Variants in DDB2 observed in about 807,000 individuals in gnomAD.
DDB2 encodes damage specific DNA binding protein 2.
A neutral mutation model predicts 50.5 loss-of-function variants in DDB2; 27 were observed. That is an observed-to-expected ratio of 0.53 (90% CI 0.39 to 0.74). The LOEUF (loss-of-function observed/expected upper bound fraction) is 0.74, where lower values mean the gene tolerates loss of function less well. Among genes scored for constraint, DDB2 ranks in the 30% least tolerant of loss-of-function variants. The probability of loss-of-function intolerance (pLI) is 0.00; values close to 1 mark genes in which losing one functional copy is unlikely to be tolerated. For missense variants in DDB2, 424 were observed against 545.6 expected (o/e 0.78, Z 2.22); for synonymous variants, 176 against 205.5 (o/e 0.86, Z 1.23).
chr11:47,233,046 A>G (rs897596951), intron 4 of DDB2, 87 bp downstream of exon 4: 2 of 1,446,318 alleles, frequency 1.4e-6, no homozygotes, highest in Non-Finnish European at 1.9e-6. Context: ...CCTTAACCCA[A>G]CCTGGCCCAG....
intron 3 of DDB2, among the ~76,000 whole-genome samples, chr11:47,225,610 CAAAA>C: frequency 6.6e-6 from 1 of 150,582 alleles, no homozygotes; most frequent in East Asian, 1.9e-4. Context: ...AAAAAAAAAA[CAAAA>C]AACTGGTAGA....
intron 7 of DDB2, 90 bp from the exon 8 acceptor site, chr11:47,237,747 T>C (rs1042729488): frequency 1.4e-6 from 2 of 1,380,322 alleles, no homozygotes; most frequent in Admixed American, 1.7e-5. Flanking sequence ...AAGAATACTT[T>C]TGATGTTCCT....
chr11:47,230,850 G>T (rs911557575), intron 3 of DDB2, among the ~76,000 whole-genome samples: 1 of 152,184 alleles, frequency 6.6e-6, no homozygotes, highest in African/African-American at 2.4e-5. Flanking sequence ...ACTGGGCGCA[G>T]TGGCTCACGC....
At chr11:47,235,501 G>A (rs1050568087) in intron 7 of DDB2, 89 bp downstream of exon 7, 3 of 1,421,626 alleles carry the variant, frequency 2.1e-6, no homozygotes, top group South Asian at 1.2e-5. Flanking sequence ...GGCTGATGTG[G>A]TAAGCCTGCC....
At chr11:47,229,555 G>A (rs1426672953) in intron 3 of DDB2, among the ~76,000 whole-genome samples, 1 of 152,096 alleles carries the variant, frequency 6.6e-6, no homozygotes, top group Non-Finnish European at 1.5e-5. Context: ...CATACAAGGA[G>A]ATTAATCAAA....
At chr11:47,217,883 T>C (rs1431033013) in intron 3 of DDB2, among the ~76,000 whole-genome samples, 1 of 151,554 alleles carries the variant, frequency 6.6e-6, no homozygotes, top group Non-Finnish European at 1.5e-5. Context: ...AGAGCGAGAC[T>C]CCATCTCAAA....
In DDB2 at chr11:47,217,066, G is replaced by A. The variant is rs747546269; in HGVS notation, c.456+17G>A. 3 of 1,609,282 alleles carry A rather than the reference G, an allele frequency of 1.9e-6. No individual in the cohort carries two copies. The highest frequency in any genetic ancestry group is 4.5e-5 in the East Asian group (2 of 44,858). On this transcript the variant is annotated intron_variant, in intron 3 of 9. Coordinates refer to ENST00000256996, the MANE Select transcript of DDB2 (RefSeq NM_000107.3). ...ATCAAAGGGGTGAGCAGTTCCCCAT[G>A]CCAGGTCGTGCTAAAGAAGTGTTTG...
chr11:47,236,120 A>T (rs1397847829), intron 7 of DDB2: 1 of 151,372 alleles, frequency 6.6e-6, no homozygotes, highest in African/African-American at 2.4e-5. Context: ...TTTTATAGAG[A>T]TGGGGTTTTG....
chr11:47,223,262 A>G (rs1953511547), intron 3 of DDB2, among the ~76,000 whole-genome samples: 1 of 152,144 alleles, frequency 6.6e-6, no homozygotes, highest in Non-Finnish European at 1.5e-5. Flanking sequence ...AGGCAAGTGG[A>G]TCATTTGCGA....
intron 3 of DDB2, chr11:47,221,873 A>G (rs2922976): frequency 0.99 from 151,243 of 152,338 alleles, 75,081 homozygotes; most frequent in East Asian, 1. Flanking sequence ...GAGCCACTGC[A>G]CCCGGCCTGG....
In DDB2 at chr11:47,238,822, C is replaced by G; in HGVS notation, c.1257C>G (p.Ser419Arg). ...SAMGYHILIW[S>R]QEEARTRK ...TAGGTTACCACATTCTCATCTGGAG[C>G]CAGGAGGAAGCCAGGACACGGAAGT... Residue 419 changes from serine (S) to arginine (R), a missense_variant, in exon 10 of 10, where the codon AGC becomes AGG. Physicochemically the swap from Ser to Arg is moderately radical, Grantham distance 110. Coordinates refer to ENST00000256996, the MANE Select transcript of DDB2 (RefSeq NM_000107.3). 2 of 1,613,572 alleles carry G rather than the reference C, an allele frequency of 1.2e-6. No homozygotes were observed. Among genetic ancestry groups the G allele is most frequent in the South Asian group, 2.2e-5 (2 of 91,076 alleles).
rs376083611 is a variant in DDB2, at chr11:47,237,852, C to T, written c.1039C>T (p.Arg347Cys). The T allele has an allele frequency of 1.5e-5, 25 of 1,614,042 alleles. No individual in the cohort carries two copies. Among genetic ancestry groups the T allele is most frequent in the Middle Eastern group, 1.6e-4 (1 of 6,084 alleles). The change falls in exon 8 of 10, where the codon CGC becomes TGC. Residue 347 changes from arginine to cysteine, a missense_variant. Coordinates refer to ENST00000256996, the MANE Select transcript of DDB2 (RefSeq NM_000107.3). ...CATCTCCTAGGCAGCCTGGCATCCT[C>T]GCTACAACCTCATTGTTGTGGGCCG... ...LTPIKAAWHPRYNLIVVGRYP... is the reference protein window; with the variant it reads ...LTPIKAAWHPCYNLIVVGRYP...
intron 3 of DDB2, 164 bp downstream of exon 3, chr11:47,217,213 T>TA (rs1235640031): frequency 1.7e-6 from 1 of 586,486 alleles, no homozygotes; most frequent in African/African-American, 1.9e-5. Flanking sequence ...CCGTCTCTAC[T>TA]AAAAATACAA....
Position 47,234,633 on chromosome 11 carries a change from C to G in DDB2, c.663C>G (p.Asn221Lys). ...ASSRMVVTGD[N>K]VGNVILLNMD... ...GCCGAATGGTGGTCACAGGAGACAA[C>G]GTGGGGAACGTGATCCTGCTGAACA... The change falls in exon 5 of 10, where the codon AAC becomes AAG. Residue 221 changes from asparagine (N) to lysine (K), a missense_variant. Coordinates refer to ENST00000256996, the MANE Select transcript of DDB2 (RefSeq NM_000107.3). 1 of 1,614,104 alleles carries G rather than the reference C, an allele frequency of 6.2e-7. No individual in the cohort carries two copies. Among genetic ancestry groups the G allele is most frequent in the Non-Finnish European group, 8.5e-7 (1 of 1,180,006 alleles).
chr11:47,235,639 G>GT (rs1313689676), intron 7 of DDB2: 2 of 590,604 alleles, frequency 3.4e-6, no homozygotes, highest in Admixed American at 2.9e-5. Flanking sequence ...ATTTTTCTGA[G>GT]TTTTTTCAGC....
intron 3 of DDB2, among the ~76,000 whole-genome samples, chr11:47,221,217 ATAAAT>A (rs1159625398): frequency 6.6e-6 from 1 of 152,120 alleles, no homozygotes; most frequent in Non-Finnish European, 1.5e-5. Flanking sequence ...AGTGTAAAAA[ATAAAT>A]TAAATATGAT....
intron 3 of DDB2, among the ~76,000 whole-genome samples, chr11:47,217,685 A>C (rs1163010474): frequency 6.6e-6 from 1 of 151,576 alleles, no homozygotes; most frequent in Non-Finnish European, 1.5e-5. Context: ...AGGTCAAGAG[A>C]TGGAGACCAT....
chr11:47,238,736 C>T, intron 9 of DDB2, 64 bp from the exon 10 acceptor site: 1 of 1,584,876 alleles, frequency 6.3e-7, no homozygotes, highest in Non-Finnish European at 8.7e-7. Context: ...GTTTGCGGGC[C>T]AGCCCCAGGC....
chr11:47,234,319 G>T (rs1391076266), intron 4 of DDB2, among the ~76,000 whole-genome samples: 1 of 152,070 alleles, frequency 6.6e-6, no homozygotes, highest in Non-Finnish European at 1.5e-5. Flanking sequence ...CTGCTTCAGG[G>T]ACTTTTAGGA....
Sources: allele counts gnomAD v4.1 joint callset (sites outside exome capture counted in the v4.1 genomes callset), GRCh38; gene constraint gnomAD v4.1.1; transcripts MANE v1.5; gene names NCBI Gene and HGNC (gene_info 2026-07-23, HGNC 2026-07-21).